CTNNA3: variants seen among roughly 807,000 people sequenced by gnomAD.
CTNNA3 encodes the protein catenin alpha 3.
Under a neutral mutation model 95.7 loss-of-function variants are expected in CTNNA3, and 76 were observed. The ratio of observed to expected loss-of-function variants is 0.79; its 90% confidence interval spans 0.66 to 0.96. CTNNA3 has a LOEUF of 0.96. Among genes scored for constraint, CTNNA3 ranks in the 40% least tolerant of loss-of-function variants. CTNNA3 has a pLI of 0.00. For synonymous variants in CTNNA3, 431 were observed against 374.4 expected, an observed-to-expected ratio of 1.15 and a Z score of -1.74; for missense variants, 1,191 against 1,089.8, an observed-to-expected ratio of 1.09 and a Z score of -1.31.
intron 13 of CTNNA3, among the ~76,000 whole-genome samples, chr10:66,203,593 T>C (rs1329089739): frequency 6.6e-6 from 1 of 151,994 alleles, no homozygotes; most frequent in Non-Finnish European, 1.5e-5. Context: ...TATTGAAACA[T>C]CACCAAAGAA....
At chr10:67,601,737 T>C (rs1843089952) in intron 3 of CTNNA3, among the ~76,000 whole-genome samples, 1 of 152,226 alleles carries the variant, frequency 6.6e-6, no homozygotes, top group South Asian at 2.1e-4. Context: ...ACTTTGTCAT[T>C]GTATTGGTAG....
intron 15 of CTNNA3, among the ~76,000 whole-genome samples, chr10:66,056,347 A>G (rs1589302363): frequency 6.6e-6 from 1 of 152,172 alleles, no homozygotes; most frequent in South Asian, 2.1e-4. Context: ...TGATTTGCAT[A>G]TGTTGAACCA....
intron 10 of CTNNA3, among the ~76,000 whole-genome samples, chr10:66,538,566 T>A (rs924575369): frequency 1.3e-5 from 2 of 152,152 alleles, no homozygotes; most frequent in African/African-American, 4.8e-5. Context: ...TCAGCTTGAG[T>A]GCTTCCAGAG....
chr10:66,679,603 T>C (rs1243482698), intron 9 of CTNNA3, among the ~76,000 whole-genome samples: 4 of 152,180 alleles, frequency 2.6e-5, no homozygotes. Flanking sequence ...TCCAATAGAT[T>C]TGATTTTACC....
chr10:67,253,050 A>G (rs1192279874), intron 5 of CTNNA3, among the ~76,000 whole-genome samples: 1 of 152,138 alleles, frequency 6.6e-6, no homozygotes, highest in East Asian at 1.9e-4. Flanking sequence ...TCAATTTTGC[A>G]CTTAAAGGAA....
intron 11 of CTNNA3, among the ~76,000 whole-genome samples, chr10:66,389,218 T>G (rs1394989192): frequency 6.6e-6 from 1 of 152,150 alleles, no homozygotes; most frequent in African/African-American, 2.4e-5. Flanking sequence ...AAAAATTTTT[T>G]TTTTCTGAAG....
At chr10:67,390,825 T>C (rs1290975652) in intron 5 of CTNNA3, among the ~76,000 whole-genome samples, 1 of 147,468 alleles carries the variant, frequency 6.8e-6, no homozygotes, top group Non-Finnish European at 1.5e-5. Flanking sequence ...TCTCAATAGA[T>C]GCAGAAAAAG....
chr10:67,427,935 A>C (rs1487157734), intron 5 of CTNNA3, among the ~76,000 whole-genome samples: 1 of 152,074 alleles, frequency 6.6e-6, no homozygotes, highest in Non-Finnish European at 1.5e-5. Flanking sequence ...CTTAGTGAAC[A>C]GTGAGGTCTC....
intron 7 of CTNNA3, among the ~76,000 whole-genome samples, chr10:66,900,558 G>A (rs149055693): frequency 1.2e-3 from 175 of 152,152 alleles, no homozygotes; most frequent in African/African-American, 3.9e-3. Context: ...TCAGAAAGTC[G>A]GTAATAACAA....
chr10:66,029,468 C>T (rs553065060), intron 15 of CTNNA3, among the ~76,000 whole-genome samples: 61 of 152,272 alleles, frequency 4.0e-4, no homozygotes, highest in Non-Finnish European at 7.4e-4. Flanking sequence ...GCTTCAAACT[C>T]TATTTCTCTA....
intron 1 of CTNNA3, among the ~76,000 whole-genome samples, chr10:67,674,583 C>T (rs758369550): frequency 6.6e-6 from 1 of 152,144 alleles, no homozygotes; most frequent in Non-Finnish European, 1.5e-5. Context: ...CATGTCCCCA[C>T]CTCCTCACCA....
intron 11 of CTNNA3, among the ~76,000 whole-genome samples, chr10:66,509,544 G>A (rs1911351): frequency 0.91 from 137,762 of 152,024 alleles, 62,925 homozygotes; most frequent in Middle Eastern, 0.95. Context: ...ATTTTTTAAT[G>A]TAGTGAGAGA....
chr10:67,341,130 T>A (rs1842169425), intron 5 of CTNNA3, among the ~76,000 whole-genome samples: 1 of 152,208 alleles, frequency 6.6e-6, no homozygotes, highest in Non-Finnish European at 1.5e-5. Flanking sequence ...ATGGAAAGCA[T>A]AATAATCACA....
chr10:66,311,188 T>C (rs2092016074), intron 12 of CTNNA3, among the ~76,000 whole-genome samples: 1 of 152,198 alleles, frequency 6.6e-6, no homozygotes, highest in Non-Finnish European at 1.5e-5. Context: ...ACGTCACTAA[T>C]TAGGAACCAA....
chr10:67,469,246 AT>A (rs1001467678), intron 5 of CTNNA3, among the ~76,000 whole-genome samples: 3 of 152,184 alleles, frequency 2.0e-5, no homozygotes, highest in Admixed American at 1.3e-4. Flanking sequence ...TGATTTCCTG[AT>A]TTTTCTCCGT....
chr10:67,119,509 T>C (rs551632107), intron 7 of CTNNA3, among the ~76,000 whole-genome samples: 1 of 152,086 alleles, frequency 6.6e-6, no homozygotes, highest in Admixed American at 6.6e-5. Context: ...ACCTCAAACA[T>C]ACTTACTAAT....
chr10:66,158,556 T>C (rs7908706), intron 13 of CTNNA3, among the ~76,000 whole-genome samples: 7,292 of 152,238 alleles, frequency 0.048, 218 homozygotes, highest in African/African-American at 0.067. Flanking sequence ...TATGGCCTTA[T>C]AGGATAGTTT....
chr10:66,012,051 A>G (rs1447742556), intron 15 of CTNNA3, among the ~76,000 whole-genome samples: 1 of 152,200 alleles, frequency 6.6e-6, no homozygotes, highest in Non-Finnish European at 1.5e-5. Flanking sequence ...TGGATGCAAA[A>G]TAAAATGTGG....
chr10:66,787,557 A>G (rs1312133803), intron 7 of CTNNA3, among the ~76,000 whole-genome samples: 1 of 152,068 alleles, frequency 6.6e-6, no homozygotes, highest in Non-Finnish European at 1.5e-5. Flanking sequence ...GTAGGGAGGA[A>G]GGAGTAGCAA....
Sources: allele counts gnomAD v4.1 joint callset (sites outside exome capture counted in the v4.1 genomes callset), GRCh38; gene constraint gnomAD v4.1.1; transcripts MANE v1.5; gene names NCBI Gene and HGNC (gene_info 2026-07-23, HGNC 2026-07-21).